Variants in PDGFC observed in about 807,000 individuals in gnomAD.
PDGFC encodes platelet derived growth factor C, also known as platelet-derived growth factor C.
Under a neutral mutation model 35.5 loss-of-function variants are expected in PDGFC, and 12 were observed. The ratio of observed to expected loss-of-function variants is 0.34; its 90% CI spans 0.22 to 0.55. The LOEUF (loss-of-function observed/expected upper bound fraction) is 0.55. PDGFC is among the 20% of genes least tolerant of loss of function. The pLI is 0.91. For missense variants in PDGFC, 322 were observed against 412.4 expected, an observed-to-expected ratio of 0.78 and a Z score of 1.90; for synonymous variants, 159 against 148.8, an observed-to-expected ratio of 1.07 and a Z score of -0.50.
chr4:156,830,268 A>G (rs1560830783), intron 2 of PDGFC, among the ~76,000 whole-genome samples: 1 of 151,806 alleles, frequency 6.6e-6, no homozygotes, highest in Non-Finnish European at 1.5e-5. Context: ...AAAAAACTTC[A>G]TGTCCTCAGA....
chr4:156,920,741 G>A (rs973278161), intron 1 of PDGFC, among the ~76,000 whole-genome samples: 2 of 151,318 alleles, frequency 1.3e-5, no homozygotes, highest in Admixed American at 6.6e-5. Context: ...TTATGCCTAA[G>A]AATTTTCTCT....
At chr4:156,934,351 TACAGCAAAAATACAATATAAAAG>T (rs1252840914) in intron 1 of PDGFC, among the ~76,000 whole-genome samples, 2 of 152,092 alleles carry the variant, frequency 1.3e-5, no homozygotes, top group Non-Finnish European at 2.9e-5. Flanking sequence ...ATAGAAAAGG[TACAGCAAAAATACAATATAAAAG>T]ATTTAAAATG....
At chr4:156,769,097 TC>T (rs1441653636) in intron 4 of PDGFC, among the ~76,000 whole-genome samples, 9 of 151,822 alleles carry the variant, frequency 5.9e-5, no homozygotes, top group African/African-American at 2.2e-4. Flanking sequence ...AGGGTTTTTT[TC>T]TCCTAATAAA....
At chr4:156,901,064 A>G (rs1730760663) in intron 1 of PDGFC, among the ~76,000 whole-genome samples, 1 of 152,180 alleles carries the variant, frequency 6.6e-6, no homozygotes, top group Admixed American at 6.5e-5. Flanking sequence ...ACTCAGCAAA[A>G]GAGCTTGTAT....
In PDGFC at chr4:156,970,867, G is replaced by A. The variant is rs757786156; in HGVS notation, c.37C>T (p.Leu13=). 3 of 1,613,878 alleles carry A rather than the reference G, an allele frequency of 1.9e-6. No individual in the cohort carries two copies. Among genetic ancestry groups the A allele is most frequent in the Admixed American group, 1.7e-5 (1 of 59,998 alleles). Residue 13 remains leucine (L), a synonymous_variant, in exon 1 of 6, where the codon CTG becomes TTG. Coordinates refer to ENST00000502773, the MANE Select transcript of PDGFC (RefSeq NM_016205.3). The stretch of plus-strand genomic sequence containing the variant: ...TGAGTCCCCTGTCTCTGGCCGGCCA[G>A]GGCAGATGTCAGCAGGAGAAGCCCG... ...LFGLLLLTSA[L]AGQRQGTQAE...
At chr4:156,816,604 C>A (rs1000133802) in intron 2 of PDGFC, among the ~76,000 whole-genome samples, 2 of 152,122 alleles carry the variant, frequency 1.3e-5, no homozygotes, top group Non-Finnish European at 2.9e-5. Flanking sequence ...TTTCCTCCAT[C>A]CAGTCTATTA....
At chr4:156,792,089 G>C (rs774054809) in intron 3 of PDGFC, among the ~76,000 whole-genome samples, 2 of 152,134 alleles carry the variant, frequency 1.3e-5, no homozygotes, top group Non-Finnish European at 2.9e-5. Flanking sequence ...CAAGGTCCAA[G>C]GAAAACGCCT....
At chr4:156,950,140 A>G (rs2110934828) in intron 1 of PDGFC, among the ~76,000 whole-genome samples, 1 of 152,040 alleles carries the variant, frequency 6.6e-6, no homozygotes, top group Non-Finnish European at 1.5e-5. Context: ...GAAGACAAGT[A>G]AGAATAAACA....
chr4:156,836,617 C>T (rs560769694), intron 2 of PDGFC, among the ~76,000 whole-genome samples: 1 of 152,280 alleles, frequency 6.6e-6, no homozygotes, highest in Non-Finnish European at 1.5e-5. Flanking sequence ...ATATTCATAT[C>T]ATTTCTTCTG....
intron 1 of PDGFC, among the ~76,000 whole-genome samples, chr4:156,915,521 G>A (rs1055444828): frequency 8.5e-5 from 13 of 152,142 alleles, no homozygotes; most frequent in Non-Finnish European, 1.9e-4. Flanking sequence ...CAAGGTGCGG[G>A]GGGGCAGGGT....
intron 1 of PDGFC, among the ~76,000 whole-genome samples, chr4:156,882,023 G>GA (rs1414293876): frequency 1.3e-5 from 2 of 151,940 alleles, no homozygotes; most frequent in African/African-American, 4.8e-5. Context: ...TCAGCAGCAT[G>GA]AAAATGGACT....
At position 156,772,750 on chromosome 4, in the gene PDGFC, T is replaced by G; in HGVS notation, c.639A>C (p.Glu213Asp). The change falls in exon 4 of 6, where the codon GAA becomes GAC. Residue 213 changes from glutamate (E) to aspartate (D), a missense_variant. Glu to Asp is a conservative substitution (Grantham distance 45). Coordinates refer to ENST00000502773, the MANE Select transcript of PDGFC (RefSeq NM_016205.3). ...GTTGCCAAGTTGGCCTATATAGATC[T>G]TCTAAGTCCAACTGCCATCTCTCTG... ...LEPERWQLDL[E>D]DLYRPTWQLL... is the part of the protein sequence containing the mutation. The G allele has an allele frequency of 6.2e-7, 1 of 1,613,650 alleles. No individual in the cohort carries two copies. The highest frequency in any genetic ancestry group is 2.2e-5 in the East Asian group (1 of 44,842).
At chr4:156,927,851 CTACT>C (rs907807344) in intron 1 of PDGFC, among the ~76,000 whole-genome samples, 2 of 152,164 alleles carry the variant, frequency 1.3e-5, no homozygotes, top group Non-Finnish European at 2.9e-5. Flanking sequence ...GTGCCCCACT[CTACT>C]GGTACCAATT....
At chr4:156,892,910 G>T (rs1730547653) in intron 1 of PDGFC, among the ~76,000 whole-genome samples, 1 of 152,240 alleles carries the variant, frequency 6.6e-6, no homozygotes, top group Non-Finnish European at 1.5e-5. Context: ...TATTTTAGAG[G>T]ACTTGACCTT....
intron 1 of PDGFC, among the ~76,000 whole-genome samples, chr4:156,960,221 C>G (rs1227578757): frequency 2.1e-5 from 3 of 145,484 alleles, no homozygotes; most frequent in Admixed American, 2.0e-4. Flanking sequence ...TGCAAAGATA[C>G]AGTTGAAGCC....
intron 1 of PDGFC, among the ~76,000 whole-genome samples, chr4:156,950,674 T>C (rs750636524): frequency 1.3e-4 from 20 of 151,822 alleles, no homozygotes; most frequent in African/African-American, 1.9e-4. Context: ...TCTTTTTTTT[T>C]CCTCTCCACT....
At chr4:156,876,273 TAACC>T (rs1730114780) in intron 1 of PDGFC, among the ~76,000 whole-genome samples, 1 of 152,160 alleles carries the variant, frequency 6.6e-6, no homozygotes, top group African/African-American at 2.4e-5. Flanking sequence ...GAAACCAAAT[TAACC>T]CAAATAAGTA....
chr4:156,818,418 T>C (rs1249808293), intron 2 of PDGFC, among the ~76,000 whole-genome samples: 1 of 151,870 alleles, frequency 6.6e-6, no homozygotes, highest in East Asian at 1.9e-4. Flanking sequence ...TTCACCGGAG[T>C]TGTGCTCATC....
chr4:156,763,177 G>A lies in PDGFC; in HGVS notation c.951C>T (p.Val317=), dbSNP rs759828735. The A allele has an allele frequency of 3.0e-5, 48 of 1,610,228 alleles. No individual in the cohort carries two copies. Among genetic ancestry groups the A allele is most frequent in the Non-Finnish European group, 3.7e-5 (43 of 1,176,666 alleles). Residue 317 remains valine, a synonymous_variant, in exon 6 of 6, where the codon GTC becomes GTT. Coordinates refer to ENST00000502773, the MANE Select transcript of PDGFC (RefSeq NM_016205.3). ...CGGTGAGTGATTTGTGCAATCCCCT[G>A]ACACCGGTCTTTGGTCTCAACTGAA... The part of the protein sequence containing the change: ...EVLQLRPKTG[V]RGLHKSLTDV...
Sources: allele counts gnomAD v4.1 joint callset (sites outside exome capture counted in the v4.1 genomes callset), GRCh38; gene constraint gnomAD v4.1.1; transcripts MANE v1.5; gene names NCBI Gene and HGNC (gene_info 2026-07-23, HGNC 2026-07-21).